Variants in UBAC2 observed in about 807,000 individuals in gnomAD.
UBAC2 encodes the protein ubiquitin-associated domain-containing protein 2.
Under a neutral mutation model 44.0 loss-of-function variants are expected in UBAC2, and 26 were observed. The ratio of observed to expected loss-of-function variants is 0.59; its 90% CI spans 0.43 to 0.82. The LOEUF is 0.82. Among genes scored for constraint, UBAC2 ranks in the 40% least tolerant of loss-of-function variants. The probability of loss-of-function intolerance (pLI) is 0.00; values close to 1 mark genes in which losing one functional copy is unlikely to be tolerated. For synonymous variants in UBAC2, 155 were observed against 154.3 expected (o/e 1.00, Z -0.04); for missense variants, 329 against 419.4 (o/e 0.78, Z 1.88).
intron 1 of UBAC2, among the ~76,000 whole-genome samples, chr13:99,230,310 A>G (rs1257511811): frequency 2.0e-5 from 3 of 152,108 alleles, no homozygotes; most frequent in Non-Finnish European, 1.5e-5. Context: ...CTAAAAATAC[A>G]AAAACATGAG....
intron 6 of UBAC2, among the ~76,000 whole-genome samples, chr13:99,325,439 A>G (rs904276629): frequency 1.3e-5 from 2 of 152,120 alleles, no homozygotes; most frequent in Non-Finnish European, 2.9e-5. Flanking sequence ...TTGCATAACC[A>G]CATGCAGTTT....
rs77032765 is a variant in UBAC2 at position 99,243,546 on chromosome 13, G to A, written c.160-286G>A. On this transcript the variant is annotated intron_variant, in intron 2 of 8. Transcript: ENST00000403766. The stretch of plus-strand genomic sequence containing the variant: ...ATAATTTTAAAAAATCTTACTAAAC[G>A]TGATCCTGAAATTTCTTATAGGCAG... Among the ~76,000 whole-genome samples, 82 of 152,098 alleles carry A rather than the reference G, an allele frequency of 5.4e-4. No homozygotes were observed. In the East Asian group the frequency reaches 0.014, roughly 25 times the overall value.
intron 7 of UBAC2, among the ~76,000 whole-genome samples, chr13:99,354,024 C>G (rs1429869037): frequency 1.3e-5 from 2 of 152,260 alleles, no homozygotes; most frequent in Non-Finnish European, 2.9e-5. Flanking sequence ...TCTGTCTAAG[C>G]AATGGAGGTG....
chr13:99,325,460 T>C (rs932081201), intron 6 of UBAC2, among the ~76,000 whole-genome samples: 3 of 152,168 alleles, frequency 2.0e-5, no homozygotes, highest in East Asian at 3.9e-4. Flanking sequence ...CTTCCAACTA[T>C]ATCCCCTATT....
rs533995623 is a variant in UBAC2 at position 99,278,487 on chromosome 13, CAGTT to C, written c.389+33866_389+33869del. On this transcript the variant is annotated intron_variant, in intron 4 of 8. Coordinates refer to ENST00000403766, the MANE Select transcript of UBAC2 (RefSeq NM_001144072.2). ...TGTGGGCAAAGTTAGCAATAAGTGA[CAGTT>C]AGCTTTCTAAATTATTGTGTCTCTG... 7.9e-5 allele frequency among the ~76,000 whole-genome samples: 12 copies of C among 152,224 alleles called. No homozygotes were observed. The South Asian group carries it at 2.1e-3, about 26-fold the overall frequency.
intron 4 of UBAC2, chr13:99,254,920 C>G: frequency 6.2e-7 from 1 of 1,613,998 alleles, no homozygotes; most frequent in Non-Finnish European, 8.5e-7. Flanking sequence ...CCGTAGACTA[C>G]CAGATCGGAA....
At chr13:99,215,571 GT>G in intron 1 of UBAC2, 2 of 1,380,758 alleles carry the variant, frequency 1.4e-6, no homozygotes, top group African/African-American at 2.8e-5. Context: ...TCCCTCTGCG[GT>G]GAGGTACTCC....
chr13:99,295,021 A>T lies in UBAC2; in HGVS notation c.390-19076A>T. 1 of 1,564,354 alleles carries T rather than the reference A, an allele frequency of 6.4e-7. No individual in the cohort carries two copies. The highest frequency in any genetic ancestry group is 8.6e-7 in the Non-Finnish European group (1 of 1,156,956). ...TAAGGGAAGTCCTGCAAAGTTTGTC[A>T]TACAGTTTACGTCACTATAAACCAA... On this transcript the variant is annotated intron_variant, in intron 4 of 8. Coordinates refer to ENST00000403766, the MANE Select transcript of UBAC2 (RefSeq NM_001144072.2). This position sits in a 1 kb window ranked among gnomAD's most constrained non-coding sequence, Gnocchi z 4.1.
chr13:99,365,320 T>C (rs2045316607), intron 7 of UBAC2, among the ~76,000 whole-genome samples: 1 of 152,194 alleles, frequency 6.6e-6, no homozygotes, highest in South Asian at 2.1e-4. Context: ...TGCTCTCAAC[T>C]TTCTACTTTC....
intron 4 of UBAC2, among the ~76,000 whole-genome samples, chr13:99,271,004 C>G (rs1205101907): frequency 6.6e-6 from 1 of 152,164 alleles, no homozygotes; most frequent in Non-Finnish European, 1.5e-5. Flanking sequence ...CTCTTTTCCT[C>G]TTGTTAAATT....
intron 5 of UBAC2, among the ~76,000 whole-genome samples, chr13:99,316,413 G>T (rs1374881045): frequency 6.6e-6 from 1 of 152,152 alleles, no homozygotes; most frequent in Non-Finnish European, 1.5e-5. Flanking sequence ...ATGAATGAAT[G>T]AATGGATGAA....
At chr13:99,320,505 C>T (rs892961206) in intron 6 of UBAC2, among the ~76,000 whole-genome samples, 2 of 152,056 alleles carry the variant, frequency 1.3e-5, no homozygotes, top group Admixed American at 1.3e-4. Context: ...CCAAAGTTAC[C>T]GGCCTTCTAC....
intron 1 of UBAC2, among the ~76,000 whole-genome samples, chr13:99,210,195 T>G (rs1299966352): frequency 6.6e-6 from 1 of 152,198 alleles, no homozygotes; most frequent in Non-Finnish European, 1.5e-5. Context: ...TGTTTTGAAA[T>G]AACTGACTTT....
At chr13:99,219,789 A>T (rs962297417) in intron 1 of UBAC2, among the ~76,000 whole-genome samples, 1 of 152,206 alleles carries the variant, frequency 6.6e-6, no homozygotes, top group African/African-American at 2.4e-5. Context: ...TAAATTCTGG[A>T]CATTTCATAT....
chr13:99,296,282 T>C, intron 4 of UBAC2: 1 of 701,622 alleles, frequency 1.4e-6, no homozygotes, highest in Non-Finnish European at 2.1e-6. Context: ...CTTTTATATA[T>C]CTAAGTTTTA....
intron 6 of UBAC2, among the ~76,000 whole-genome samples, chr13:99,338,064 T>C (rs1405218628): frequency 9.9e-6 from 1 of 100,556 alleles, no homozygotes; most frequent in Non-Finnish European, 2.1e-5. Context: ...TTTTTTTTTT[T>C]TTTTTTTTTT....
chr13:99,242,668 G>GACCCCCCCCACCTCCCTCCC (rs1187724875), intron 2 of UBAC2, among the ~76,000 whole-genome samples: 1 of 3,620 alleles, frequency 2.8e-4, no homozygotes, highest in Non-Finnish European at 7.4e-4. Flanking sequence ...CGGGGCGGCT[G>GACCCCCCCCACCTCCCTCCC]GCCGGGCGGG....
intron 6 of UBAC2, among the ~76,000 whole-genome samples, chr13:99,320,810 A>C (rs1187906400): frequency 6.6e-6 from 1 of 152,250 alleles, no homozygotes; most frequent in Non-Finnish European, 1.5e-5. Context: ...TTTACACACC[A>C]CTGACTATAG....
chr13:99,251,565 A>G (rs1044283657), intron 4 of UBAC2, among the ~76,000 whole-genome samples: 11 of 152,158 alleles, frequency 7.2e-5, no homozygotes, highest in African/African-American at 2.7e-4. Flanking sequence ...ATTCCATACA[A>G]TGCTGTCAGA....
Sources: allele counts gnomAD v4.1 joint callset (sites outside exome capture counted in the v4.1 genomes callset), GRCh38; gene constraint gnomAD v4.1.1; non-coding constraint Gnocchi (gnomAD v3.1); transcripts MANE v1.5; gene names NCBI Gene and HGNC (gene_info 2026-07-23, HGNC 2026-07-21).